The following ASAP2 variants were observed in gnomAD, a reference collection of about 807,000 sequenced individuals.
ASAP2 encodes arf-GAP with SH3 domain, ANK repeat and PH domain-containing protein 2.
In ASAP2, 45 loss-of-function variants were observed where a neutral mutation model predicts 131.4. That is an observed-to-expected ratio of 0.34 (90% CI 0.27 to 0.44). The LOEUF (loss-of-function observed/expected upper bound fraction) is 0.44, where lower values mean the gene tolerates loss of function less well. Among genes scored for constraint, ASAP2 ranks in the 20% least tolerant of loss-of-function variants. The pLI, the probability that ASAP2 is intolerant of heterozygous loss-of-function variation, is 1.00. For missense variants in ASAP2, 1,011 were observed against 1,297.0 expected, an observed-to-expected ratio of 0.78 and a Z score of 3.39; for synonymous variants, 510 against 503.0, an observed-to-expected ratio of 1.01 and a Z score of -0.19.
At chr2:9,218,767 T>TCC in intron 1 of ASAP2, among the ~76,000 whole-genome samples, 1 of 152,358 alleles carries the variant, frequency 6.6e-6, no homozygotes, top group East Asian at 1.9e-4. Flanking sequence ...CTGCAACACT[T>TCC]CCCCTGCCTC....
At chr2:9,384,217 A>G (rs1405520279) in intron 20 of ASAP2, among the ~76,000 whole-genome samples, 1 of 152,222 alleles carries the variant, frequency 6.6e-6, no homozygotes, top group Non-Finnish European at 1.5e-5. Context: ...GGGAGGGACT[A>G]TTACCATCCT....
intron 1 of ASAP2, among the ~76,000 whole-genome samples, chr2:9,235,577 A>G (rs1663492449): frequency 6.6e-6 from 1 of 152,050 alleles, no homozygotes; most frequent in Non-Finnish European, 1.5e-5. Flanking sequence ...AAGGGAGTGA[A>G]GTAAAGAGAA....
chr2:9,312,572 T>G (rs1241136074), intron 3 of ASAP2, among the ~76,000 whole-genome samples: 5 of 152,188 alleles, frequency 3.3e-5, no homozygotes, highest in Non-Finnish European at 7.4e-5. Context: ...TTCATGGAAG[T>G]TCCATGATGT....
intron 7 of ASAP2, among the ~76,000 whole-genome samples, chr2:9,332,870 AAAAC>A (rs1326520285): frequency 1.3e-5 from 2 of 152,248 alleles, no homozygotes; most frequent in Non-Finnish European, 2.9e-5. Context: ...TATTCAGAAA[AAAAC>A]GTATTAAAAT....
chr2:9,220,767 T>C (rs1429244046), intron 1 of ASAP2, among the ~76,000 whole-genome samples: 1 of 152,364 alleles, frequency 6.6e-6, no homozygotes, highest in East Asian at 1.9e-4. Flanking sequence ...TTTACACCTA[T>C]ATTCTGTTTT....
chr2:9,391,733 C>G (rs1405161948), intron 23 of ASAP2, among the ~76,000 whole-genome samples: 4 of 147,532 alleles, frequency 2.7e-5, no homozygotes, highest in African/African-American at 5.2e-5. Context: ...TGCCACCATG[C>G]TCAGCTATTT....
At position 9,281,702 on chromosome 2, in the gene ASAP2, G is replaced by A. The variant is rs769066866; in HGVS notation, c.199+2313G>A. ...TTTTAGGGCAATTGGGATAAAGATGGTTCTCTTACCACAGATCCATCCAAA... is the reference window on the plus strand; with the variant it reads ...TTTTAGGGCAATTGGGATAAAGATGATTCTCTTACCACAGATCCATCCAAA... On this transcript the variant is annotated intron_variant, in intron 2 of 27. Transcript: ENST00000281419. This position sits in a 1 kb window ranked among gnomAD's most constrained non-coding sequence, Gnocchi z 4.0. Among the ~76,000 whole-genome samples the A allele has an allele frequency of 6.6e-6, 1 of 152,168 alleles. No homozygotes were observed. The highest frequency in any genetic ancestry group is 1.5e-5 in the Non-Finnish European group (1 of 68,018).
intron 9 of ASAP2, among the ~76,000 whole-genome samples, chr2:9,337,712 G>A (rs758588055): frequency 6.6e-6 from 1 of 152,140 alleles, no homozygotes; most frequent in Admixed American, 6.5e-5. Flanking sequence ...CTGTTTCCTT[G>A]TGACCCTGCA....
intron 1 of ASAP2, among the ~76,000 whole-genome samples, chr2:9,209,386 T>C (rs1252811768): frequency 6.6e-6 from 1 of 152,238 alleles, no homozygotes; most frequent in Non-Finnish European, 1.5e-5. Flanking sequence ...ACTTGTTCTA[T>C]GTATGGTTTA....
chr2:9,403,051 A>ACG (rs926795257), intron 27 of ASAP2, among the ~76,000 whole-genome samples: 6 of 152,236 alleles, frequency 3.9e-5, no homozygotes, highest in Non-Finnish European at 8.8e-5. Context: ...AGCTCCTTAC[A>ACG]CGGGAGAGGC....
intron 1 of ASAP2, among the ~76,000 whole-genome samples, chr2:9,222,078 G>A (rs1029961761): frequency 6.6e-5 from 10 of 152,128 alleles, no homozygotes; most frequent in Admixed American, 1.3e-4. Context: ...GTGAGCCACC[G>A]CGCTGGCCTA....
At chr2:9,360,335 C>G (rs1672998132) in intron 15 of ASAP2, among the ~76,000 whole-genome samples, 1 of 152,174 alleles carries the variant, frequency 6.6e-6, no homozygotes, top group African/African-American at 2.4e-5. Flanking sequence ...GAAACTGAGG[C>G]TTAGAATGTT....
intron 2 of ASAP2, among the ~76,000 whole-genome samples, chr2:9,282,805 C>G (rs911959305): frequency 6.6e-6 from 1 of 152,216 alleles, no homozygotes. Context: ...AGATTTCCTG[C>G]CTGCTTTCCT....
At chr2:9,335,071 T>G (rs924444170) in intron 8 of ASAP2, 22 bp from the exon 9 acceptor site, 1 of 1,590,702 alleles carries the variant, frequency 6.3e-7, no homozygotes, top group African/African-American at 1.3e-5. Context: ...ATTGGTTCTG[T>G]TGTGTGTGTG....
rs1029576334 is a variant in ASAP2 at position 9,232,822 on chromosome 2, G to T, written c.126+25592G>T. ...GCCATGGGGACTTGATTCTTAGAGG[G>T]TAATGGTTCGAAAGTTGAATTAGTG... On this transcript the variant is annotated intron_variant, in intron 1 of 27. Coordinates refer to ENST00000281419, the MANE Select transcript of ASAP2 (RefSeq NM_003887.3). The surrounding 1 kb of genome is among the most constrained non-coding windows in gnomAD (Gnocchi z 4.1). Among the ~76,000 whole-genome samples the T allele has an allele frequency of 6.6e-6, 1 of 152,158 alleles. No individual in the cohort carries two copies. The highest frequency in any genetic ancestry group is 2.4e-5 in the African/African-American group (1 of 41,426).
At chr2:9,212,912 G>A (rs184126892) in intron 1 of ASAP2, among the ~76,000 whole-genome samples, 296 of 152,334 alleles carry the variant, frequency 1.9e-3, no homozygotes, top group African/African-American at 5.4e-3. Flanking sequence ...ACGGAACCCC[G>A]GCTGCACACT....
intron 1 of ASAP2, among the ~76,000 whole-genome samples, chr2:9,274,648 CT>C (rs1666632918): frequency 1.3e-5 from 2 of 152,116 alleles, no homozygotes; most frequent in South Asian, 4.1e-4. Context: ...AACAATCATT[CT>C]AGCTTCTCGT....
intron 1 of ASAP2, among the ~76,000 whole-genome samples, chr2:9,252,067 C>T (rs1664747822): frequency 6.6e-6 from 1 of 152,092 alleles, no homozygotes; most frequent in South Asian, 2.1e-4. Flanking sequence ...AACCTTCCCT[C>T]TGGGAAATGC....
intron 5 of ASAP2, among the ~76,000 whole-genome samples, chr2:9,321,003 A>C (rs1305567902): frequency 6.6e-6 from 1 of 152,172 alleles, no homozygotes; most frequent in Non-Finnish European, 1.5e-5. Flanking sequence ...AGCTACAGGG[A>C]ATTGATCAAG....
Sources: gnomAD v4.1 joint callset for allele counts (sites outside exome capture counted in the v4.1 genomes callset) on GRCh38, gnomAD v4.1.1 for gene constraint, Gnocchi (gnomAD v3.1) non-coding constraint, MANE v1.5 for transcripts, NCBI Gene and HGNC (gene_info 2026-07-23, HGNC 2026-07-21) for gene names.